LRP1B: variants seen among roughly 807,000 people sequenced by gnomAD.
LRP1B encodes the protein LDL receptor related protein 1B.
A neutral mutation model predicts 556.6 loss-of-function variants in LRP1B; 217 were observed. The observed-to-expected ratio is 0.39, with a 90% CI of 0.35 to 0.44. The LOEUF is 0.44. Ranked by LOEUF, LRP1B falls within the 20% of genes least tolerant of loss-of-function variation. LRP1B has a pLI of 1.00. For synonymous variants in LRP1B, 2,047 were observed against 1,865.8 expected, an observed-to-expected ratio of 1.10 and a Z score of -2.50; for missense variants, 5,053 against 5,620.8, an observed-to-expected ratio of 0.90 and a Z score of 3.23.
At chr2:141,890,308 G>A (rs1470048165) in intron 1 of LRP1B, among the ~76,000 whole-genome samples, 1 of 124,634 alleles carries the variant, frequency 8.0e-6, no homozygotes, top group East Asian at 2.2e-4. Context: ...GGCTGTCACA[G>A]GTAAGGGCAC....
chr2:141,423,467 C>T (rs1680228416), intron 3 of LRP1B, among the ~76,000 whole-genome samples: 1 of 151,980 alleles, frequency 6.6e-6, no homozygotes, highest in Non-Finnish European at 1.5e-5. Flanking sequence ...TTATAAACAT[C>T]AAACTTAATA....
intron 6 of LRP1B, among the ~76,000 whole-genome samples, chr2:141,203,860 A>G (rs1249891463): frequency 1.3e-5 from 2 of 152,178 alleles, no homozygotes; most frequent in Non-Finnish European, 2.9e-5. Flanking sequence ...TCAAATTAGA[A>G]CTCAGCATTA....
chr2:141,025,821 T>G (rs984878781), intron 11 of LRP1B, among the ~76,000 whole-genome samples: 1 of 152,082 alleles, frequency 6.6e-6, no homozygotes, highest in Non-Finnish European at 1.5e-5. Flanking sequence ...GATCTGAAAA[T>G]GATTTTGCTG....
rs145971502 is a variant in LRP1B at position 140,996,598 on chromosome 2, A to G, written c.2504-2463T>C. On this transcript the variant is annotated intron_variant, in intron 15 of 90. Coordinates refer to ENST00000389484, the MANE Select transcript of LRP1B (RefSeq NM_018557.3). ...GGGTGTAGAGTTTATGCTCAAAATT[A>G]TTTGTTGACTGGTTACTGGAATTAA... Among the ~76,000 whole-genome samples, 4 of 152,088 alleles carry G rather than the reference A, an allele frequency of 2.6e-5. No individual in the cohort carries two copies. In the East Asian group the frequency reaches 7.8e-4, roughly 30 times the overall value.
chr2:140,650,418 G>C (rs913503198), intron 41 of LRP1B, among the ~76,000 whole-genome samples: 2 of 151,282 alleles, frequency 1.3e-5, no homozygotes, highest in East Asian at 3.9e-4. Context: ...GCACAATCTC[G>C]GCTCACTGCA....
intron 2 of LRP1B, among the ~76,000 whole-genome samples, chr2:141,534,748 G>A (rs1685010723): frequency 6.6e-6 from 1 of 152,170 alleles, no homozygotes; most frequent in African/African-American, 2.4e-5. Context: ...AAAAACAGAA[G>A]AGGAAATGTT....
chr2:140,334,438 T>C lies in LRP1B; in HGVS notation c.12223+15A>G. 1 of 1,458,012 alleles carries C rather than the reference T, an allele frequency of 6.9e-7. No individual in the cohort carries two copies. Among genetic ancestry groups the C allele is most frequent in the Non-Finnish European group, 9.6e-7 (1 of 1,038,382 alleles). The allele number at this position is 1,458,012 out of a possible 1,614,324, so 90.3% of individuals were successfully genotyped here. On this transcript the variant is annotated intron_variant, in intron 79 of 90. Transcript: ENST00000389484. The stretch of plus-strand genomic sequence containing the variant: ...TCATTCTGCTTCATATTTTAGCGTG[T>C]GTCAGAAATCATACCTGTGGGTCTC...
intron 1 of LRP1B, among the ~76,000 whole-genome samples, chr2:141,965,003 C>G (rs1259385678): frequency 1.4e-5 from 2 of 144,746 alleles, no homozygotes; most frequent in African/African-American, 2.6e-5. Context: ...AAATGCTCAT[C>G]ATCACTGGCC....
intron 7 of LRP1B, among the ~76,000 whole-genome samples, chr2:141,097,850 A>C (rs981967991): frequency 3.9e-5 from 6 of 152,182 alleles, no homozygotes; most frequent in African/African-American, 1.2e-4. Flanking sequence ...TTATATGAGG[A>C]ATGTTGTGAT....
At chr2:141,535,657 A>C (rs890110786) in intron 2 of LRP1B, among the ~76,000 whole-genome samples, 2 of 152,138 alleles carry the variant, frequency 1.3e-5, no homozygotes, top group African/African-American at 4.8e-5. Context: ...CTTTCCTGGC[A>C]AATAAACCAC....
At chr2:140,452,553 T>G (rs1686928275) in intron 62 of LRP1B, among the ~76,000 whole-genome samples, 1 of 152,130 alleles carries the variant, frequency 6.6e-6, no homozygotes, top group African/African-American at 2.4e-5. Context: ...AGTTATTAAC[T>G]TCTTTTAGAA....
intron 1 of LRP1B, among the ~76,000 whole-genome samples, chr2:142,000,376 T>G (rs1702618083): frequency 6.6e-6 from 1 of 152,224 alleles, no homozygotes; most frequent in Admixed American, 6.5e-5. Flanking sequence ...TGAGCCACAC[T>G]GGGCCAAAGT....
At chr2:141,121,763 T>C (rs1271542314) in intron 7 of LRP1B, among the ~76,000 whole-genome samples, 1 of 144,818 alleles carries the variant, frequency 6.9e-6, no homozygotes, top group Non-Finnish European at 1.5e-5. Context: ...TTAAAGTTCA[T>C]ATGGAACCAA....
intron 2 of LRP1B, among the ~76,000 whole-genome samples, chr2:141,801,456 T>C (rs1696003018): frequency 6.6e-6 from 1 of 152,042 alleles, no homozygotes; most frequent in Non-Finnish European, 1.5e-5. Context: ...ACCTGGCCTG[T>C]TTTTTGTGTT....
intron 3 of LRP1B, among the ~76,000 whole-genome samples, chr2:141,386,375 C>T (rs1410411083): frequency 6.6e-6 from 1 of 152,076 alleles, no homozygotes; most frequent in Non-Finnish European, 1.5e-5. Flanking sequence ...TCAAAAATTA[C>T]TTTAAATGAA....
chr2:141,963,748 A>G (rs989542958), intron 1 of LRP1B, among the ~76,000 whole-genome samples: 1 of 147,926 alleles, frequency 6.8e-6, no homozygotes, highest in Non-Finnish European at 1.5e-5. Flanking sequence ...GGCCAGGGCA[A>G]TCAGGCAGGA....
intron 3 of LRP1B, among the ~76,000 whole-genome samples, chr2:141,356,588 A>ATTTTTTTTTTTTTTTT (rs1688633563): frequency 6.6e-6 from 1 of 151,698 alleles, no homozygotes; most frequent in Admixed American, 6.6e-5. Flanking sequence ...GGTAACATGT[A>ATTTTTTTTTTTTTTTT]TGTTTTTAAG....
At chr2:141,719,892 G>A (rs956298920) in intron 2 of LRP1B, among the ~76,000 whole-genome samples, 2 of 152,092 alleles carry the variant, frequency 1.3e-5, no homozygotes, top group Non-Finnish European at 2.9e-5. Context: ...TAACCATTGA[G>A]TAATATGCTC....
At chr2:141,094,102 T>A (rs1453601252) in intron 7 of LRP1B, among the ~76,000 whole-genome samples, 3 of 152,080 alleles carry the variant, frequency 2.0e-5, no homozygotes, top group African/African-American at 7.2e-5. Context: ...CTTAACAAGA[T>A]CCTCAAAGGA....
Sources: gnomAD v4.1 joint callset for allele counts (sites outside exome capture counted in the v4.1 genomes callset) on GRCh38, gnomAD v4.1.1 for gene constraint, MANE v1.5 for transcripts, NCBI Gene and HGNC (gene_info 2026-07-23, HGNC 2026-07-21) for gene names.